The following MASP1 variants were observed in gnomAD, a reference collection of about 807,000 sequenced individuals.
The protein encoded by MASP1 is MBL associated serine protease 1.
MASP1 carries 59 observed loss-of-function variants against 77.1 expected under a neutral mutation model. The observed-to-expected ratio is 0.77, with a 90% CI of 0.62 to 0.95. The LOEUF (loss-of-function observed/expected upper bound fraction) is 0.95, where lower values mean the gene tolerates loss of function less well. Ranked by LOEUF, MASP1 falls within the 40% of genes least tolerant of loss-of-function variation. MASP1 has a pLI of 0.00. For synonymous variants in MASP1, 362 were observed against 354.5 expected, an observed-to-expected ratio of 1.02 and a Z score of -0.24; for missense variants, 885 against 912.9, an observed-to-expected ratio of 0.97 and a Z score of 0.39.
At chr3:187,249,333 C>T (rs1714368555) in intron 8 of MASP1, among the ~76,000 whole-genome samples, 1 of 152,206 alleles carries the variant, frequency 6.6e-6, no homozygotes. Context: ...GCTGGCATTA[C>T]CAGCGTGAGC....
intron 2 of MASP1, among the ~76,000 whole-genome samples, chr3:187,264,469 A>C (rs1464300139): frequency 7.1e-6 from 1 of 141,346 alleles, no homozygotes; most frequent in Non-Finnish European, 1.6e-5. Flanking sequence ...TTTTTGGTGT[A>C]ACACTTAAAA....
At chr3:187,257,420 G>A (rs2108553674) in intron 4 of MASP1, among the ~76,000 whole-genome samples, 1 of 151,904 alleles carries the variant, frequency 6.6e-6, no homozygotes, top group African/African-American at 2.4e-5. Flanking sequence ...ACCTAGGTTG[G>A]AGTGCAGTGG....
At chr3:187,291,175 G>A (rs901323560) in intron 1 of MASP1, 7 of 206,904 alleles carry the variant, frequency 3.4e-5, no homozygotes, top group African/African-American at 1.6e-4. Context: ...AAACCACAGA[G>A]CCAAGCTATG....
chr3:187,231,768 C>T (rs371886638), downstream of MASP1, among the ~76,000 whole-genome samples: 5 of 152,146 alleles, frequency 3.3e-5, no homozygotes, highest in African/African-American at 7.2e-5. Context: ...TCTGGTAAGA[C>T]GGACTTTCAT....
At chr3:187,248,981 G>A (rs1301741002) in intron 8 of MASP1, among the ~76,000 whole-genome samples, 2 of 152,222 alleles carry the variant, frequency 1.3e-5, no homozygotes, top group African/African-American at 4.8e-5. Context: ...AAAGGGAAGA[G>A]GATAGCGCTC....
Position 187,234,667 on chromosome 3 carries a change from G to C in MASP1, c.*1017C>G. On this transcript the variant is annotated 3_prime_UTR_variant, in exon 11 of 11. Transcript: ENST00000296280. ...CCCAGCTCATGCCCCAGGGATGCCAGGCAGCCTGGCAGGATTTGGGTGACT... is the reference window on the plus strand; with the variant it reads ...CCCAGCTCATGCCCCAGGGATGCCACGCAGCCTGGCAGGATTTGGGTGACT... 7.8e-7 allele frequency: 1 copy of C among 1,287,166 alleles called. No individual in the cohort carries two copies. Among genetic ancestry groups the C allele is most frequent in the Non-Finnish European group, 1.0e-6 (1 of 988,688 alleles). The allele number at this position is 1,287,166 out of a possible 1,614,324, so 79.7% of individuals were successfully genotyped here.
intron 2 of MASP1, among the ~76,000 whole-genome samples, chr3:187,281,065 T>C (rs1202100031): frequency 6.6e-6 from 1 of 152,254 alleles, no homozygotes; most frequent in East Asian, 1.9e-4. Context: ...GACTAGTATC[T>C]GTGCTTTGCC....
At chr3:187,229,200 C>T (rs140092488), downstream of MASP1, among the ~76,000 whole-genome samples, 749 of 152,314 alleles carry the variant, frequency 4.9e-3, 1 homozygote, top group African/African-American at 0.017. Flanking sequence ...CATTCCATTA[C>T]AAAGGTGACA....
At chr3:187,219,970 G>A (rs1711936604) in exon 16 of MASP1, 1 of 1,233,630 alleles carries the variant, frequency 8.1e-7, no homozygotes, top group Admixed American at 1.9e-5. Flanking sequence ...CGAAGGAGGG[G>A]GGATGGGAGG....
rs537776499 is a variant in MASP1, at chr3:187,251,169, A to G, written c.1011+465T>C. Among the ~76,000 whole-genome samples, 3 of 152,284 alleles carry G rather than the reference A, an allele frequency of 2.0e-5. No individual in the cohort carries two copies. The East Asian group carries it at 5.8e-4, about 29-fold the overall frequency. ...GAGATAGGGTTTTGCCATATTTGCC[A>G]GGCTGGTCTCAAACTCCTGAGATCA... On this transcript the variant is annotated intron_variant, in intron 7 of 10. Coordinates refer to ENST00000296280, the MANE Select transcript of MASP1 (RefSeq NM_139125.4).
intron 8 of MASP1, chr3:187,244,470 A>G (rs565359607): frequency 6.6e-6 from 1 of 152,320 alleles, no homozygotes; most frequent in Non-Finnish European, 1.5e-5. Context: ...CAATCTTTTC[A>G]TTCTTAAGGA....
chr3:187,275,530 A>G (rs1408119488), intron 2 of MASP1, among the ~76,000 whole-genome samples: 1 of 152,150 alleles, frequency 6.6e-6, no homozygotes, highest in Non-Finnish European at 1.5e-5. Flanking sequence ...ACACCAGTTT[A>G]TAAGAGCCAA....
chr3:187,246,492 C>G, intron 8 of MASP1: 1 of 985,448 alleles, frequency 1.0e-6, no homozygotes. Context: ...ACCGCACAGC[C>G]ATTTAATCAC....
intron 2 of MASP1, among the ~76,000 whole-genome samples, chr3:187,273,792 C>A (rs1293100694): frequency 6.6e-6 from 1 of 152,190 alleles, no homozygotes; most frequent in Non-Finnish European, 1.5e-5. Context: ...TTCAGAAACT[C>A]TTGAAAGCCA....
chr3:187,278,596 C>A (rs1328680168), intron 2 of MASP1, among the ~76,000 whole-genome samples: 1 of 151,872 alleles, frequency 6.6e-6, no homozygotes, highest in Non-Finnish European at 1.5e-5. Flanking sequence ...CACTTCAGTG[C>A]ACTCTATATC....
chr3:187,285,768 C>T, intron 2 of MASP1, 57 bp downstream of exon 2: 2 of 1,362,320 alleles, frequency 1.5e-6, no homozygotes, highest in South Asian at 1.2e-5. Flanking sequence ...TTTCATATTG[C>T]CTTGTCTAAA....
At chr3:187,225,357 G>A in exon 13 of MASP1, 1 of 1,613,664 alleles carries the variant, frequency 6.2e-7, no homozygotes, top group Non-Finnish European at 8.5e-7. Flanking sequence ...AGACAGATGG[G>A]CATCACGAAG....
At chr3:187,250,455 G>A (rs186648422) in intron 7 of MASP1, 126 bp from the exon 8 acceptor site, 8 of 778,980 alleles carry the variant, frequency 1.0e-5, no homozygotes, top group Non-Finnish European at 1.9e-5. Context: ...TCCACCCATG[G>A]GCTTCCAAGG....
chr3:187,283,067 C>T (rs1301691614), intron 2 of MASP1, among the ~76,000 whole-genome samples: 3 of 152,130 alleles, frequency 2.0e-5, no homozygotes, highest in African/African-American at 7.2e-5. Context: ...GAGTTAGTGA[C>T]AGATCTGAGA....
Sources: gnomAD v4.1 joint callset for allele counts (sites outside exome capture counted in the v4.1 genomes callset) on GRCh38, gnomAD v4.1.1 for gene constraint, MANE v1.5 for transcripts, NCBI Gene and HGNC (gene_info 2026-07-23, HGNC 2026-07-21) for gene names.